The following SLC41A1 variants were observed in gnomAD, a reference collection of about 807,000 sequenced individuals.
The protein encoded by SLC41A1 is solute carrier family 41 (magnesium transporter), member 1.
A neutral mutation model predicts 47.3 loss-of-function variants in SLC41A1; 20 were observed. The observed-to-expected ratio is 0.42, with a 90% CI of 0.30 to 0.61. The LOEUF (loss-of-function observed/expected upper bound fraction) is 0.61. SLC41A1 is among the 20% of genes least tolerant of loss of function. The pLI is 0.17. For missense variants in SLC41A1, 504 were observed against 674.1 expected (o/e 0.75, Z 2.79); for synonymous variants, 282 against 272.7 (o/e 1.03, Z -0.34).
intron 2 of SLC41A1, among the ~76,000 whole-genome samples, chr1:205,802,528 C>T (rs1655905695): frequency 6.6e-6 from 1 of 151,768 alleles, no homozygotes; most frequent in Non-Finnish European, 1.5e-5. Context: ...ACCAGCCTGA[C>T]CAACATGGAG....
Position 205,795,390 on chromosome 1 carries a change from T to C in SLC41A1, c.1161A>G (p.Gln387=), listed in dbSNP as rs145225878. ...MNGMPGENSE[Q]APRRCPSPCT... The stretch of plus-strand genomic sequence containing the variant: ...AAGGACTGGGACAGCGGCGAGGAGC[T>C]TGCTCAGAGTTCTCTCCGGGCATTC... The change falls in exon 9 of 11, where the codon CAA becomes CAG. Residue 387 remains glutamine, a synonymous_variant. Coordinates refer to ENST00000367137, the MANE Select transcript of SLC41A1 (RefSeq NM_173854.6). 182 of 1,614,172 alleles carry C rather than the reference T, an allele frequency of 1.1e-4. No homozygotes were observed. The East Asian group carries it at 3.0e-3, about 27-fold the overall frequency.
intron 2 of SLC41A1, among the ~76,000 whole-genome samples, chr1:205,802,752 A>C (rs1451932919): frequency 6.6e-6 from 1 of 151,454 alleles, no homozygotes; most frequent in Non-Finnish European, 1.5e-5. Context: ...AATAAAATAA[A>C]ATAAAATAAA....
rs1380101829 is a variant in SLC41A1, at chr1:205,791,318, T to TG, written c.*214dup. ...TTGGTGATTGTCTCAAAAACCTACT[T>TG]GTACTGCTTATCTCAGGCCATCTGT... On this transcript the variant is annotated 3_prime_UTR_variant, in exon 11 of 11. Transcript: ENST00000367137. This position sits in a 1 kb window ranked among gnomAD's most constrained non-coding sequence, Gnocchi z 4.0. The TG allele has an allele frequency of 1.7e-6, 1 of 591,828 alleles. No individual in the cohort carries two copies. Among genetic ancestry groups the TG allele is most frequent in the East Asian group, 3.2e-5 (1 of 31,552 alleles). The allele number at this position is 591,828 out of a possible 1,614,324, so 36.7% of individuals were successfully genotyped here. A position where few individuals can be genotyped will look rare whatever the true frequency, so the allele number is the denominator to read the frequency against.
At chr1:205,801,162 T>C (rs1655868911) in intron 2 of SLC41A1, 102 bp from the exon 3 acceptor site, 1 of 932,762 alleles carries the variant, frequency 1.1e-6, no homozygotes, top group African/African-American at 1.6e-5. Flanking sequence ...GGAAATAGAA[T>C]CAGCAGGGAG....
intron 5 of SLC41A1, 43 bp from the exon 6 acceptor site, chr1:205,798,858 A>T: frequency 1.2e-6 from 2 of 1,614,162 alleles, no homozygotes; most frequent in Non-Finnish European, 1.7e-6. Flanking sequence ...GTGAGAAGAG[A>T]TAAAGGAGTC....
intron 4 of SLC41A1, 83 bp downstream of exon 4, chr1:205,799,676 C>G: frequency 1.4e-6 from 2 of 1,444,720 alleles, no homozygotes; most frequent in East Asian, 2.4e-5. Flanking sequence ...CACTCAGGAG[C>G]CTGCTGGGGC....
rs1443612872 is a variant in SLC41A1 at position 205,791,410 on chromosome 1, AT to A, written c.*122del. ...AAAATTCCCATTGAAAATAATGAGAATTTGGTATCAAAGTGAAGTCCTAGAA... is the reference window on the plus strand; with the variant it reads ...AAAATTCCCATTGAAAATAATGAGAATTGGTATCAAAGTGAAGTCCTAGAA... On this transcript the variant is annotated 3_prime_UTR_variant, in exon 11 of 11. Coordinates refer to ENST00000367137, the MANE Select transcript of SLC41A1 (RefSeq NM_173854.6). The surrounding 1 kb of genome is among the most constrained non-coding windows in gnomAD (Gnocchi z 4.0). The A allele has an allele frequency of 2.5e-6, 3 of 1,196,854 alleles. No homozygotes were observed. The highest frequency in any genetic ancestry group is 2.0e-5 in the Admixed American group (1 of 49,652). 74.1% of individuals were successfully genotyped at this position (1,196,854 alleles called of 1,614,324 possible).
At chr1:205,806,581 G>A (rs1361823578) in intron 2 of SLC41A1, among the ~76,000 whole-genome samples, 1 of 152,234 alleles carries the variant, frequency 6.6e-6, no homozygotes, top group African/African-American at 2.4e-5. Context: ...ATGGGCACAA[G>A]GCTCCTGCAG....
intron 10 of SLC41A1, among the ~76,000 whole-genome samples, chr1:205,793,322 A>T (rs749733402): frequency 9.2e-5 from 14 of 152,200 alleles, no homozygotes; most frequent in Non-Finnish European, 1.9e-4. Context: ...AGAGGCAAGA[A>T]TGTCTCCAGG....
Position 205,794,965 on chromosome 1 carries a change from G to A in SLC41A1, c.1261C>T (p.Leu421=). The change falls in exon 10 of 11, where the codon CTG becomes TTG. Residue 421 remains leucine, a synonymous_variant. Coordinates refer to ENST00000367137, the MANE Select transcript of SLC41A1 (RefSeq NM_173854.6). ...VLFLLVVPGH[L]VFLYTISCMQ... ...CAGCTGATGGTGTAGAGGAACACCA[G>A]GTGTCCTGGGACCACGAGGAGGAAG... The A allele has an allele frequency of 6.2e-7, 1 of 1,614,068 alleles. No individual in the cohort carries two copies. The highest frequency in any genetic ancestry group is 8.5e-7 in the Non-Finnish European group (1 of 1,180,008).
chr1:205,811,568 AAGAC>A (rs566559867), intron 1 of SLC41A1, among the ~76,000 whole-genome samples: 1 of 152,208 alleles, frequency 6.6e-6, no homozygotes, highest in Non-Finnish European at 1.5e-5. Flanking sequence ...CAGCAACAGA[AAGAC>A]AGCCACACAG....
intron 2 of SLC41A1, among the ~76,000 whole-genome samples, chr1:205,806,427 G>C (rs1656015905): frequency 6.6e-6 from 1 of 152,240 alleles, no homozygotes; most frequent in African/African-American, 2.4e-5. Context: ...CAGGTGAGTA[G>C]TGAGTTAAAA....
Position 205,799,924 on chromosome 1 carries a change from T to C in SLC41A1, c.481-94A>G, listed in dbSNP as rs1465326963. ...CCTGCCTAGATCATGAGGCAGTACA[T>C]GTGGCCTAAGACTCTGAGAGCAGGA... On this transcript the variant is annotated intron_variant, in intron 3 of 10. Coordinates refer to ENST00000367137, the MANE Select transcript of SLC41A1 (RefSeq NM_173854.6). 11 of 1,081,838 alleles carry C rather than the reference T, an allele frequency of 1.0e-5. No homozygotes were observed. In the South Asian group the frequency reaches 1.0e-4, roughly 10 times the overall value. 67.0% of individuals were successfully genotyped at this position (1,081,838 alleles called of 1,614,324 possible). A position where few individuals can be genotyped will look rare whatever the true frequency, so the allele number is the denominator to read the frequency against.
Position 205,812,922 on chromosome 1 carries a change from G to T in SLC41A1, c.-761C>A, listed in dbSNP as rs898466983. On this transcript the variant is annotated 5_prime_UTR_variant, in exon 1 of 11. Coordinates refer to ENST00000367137, the MANE Select transcript of SLC41A1 (RefSeq NM_173854.6). ...CACTCCTCCTCGACAGTCCTCCTTGGCCCCCGGCGTGCCCCCCCACACCCC... is the reference window on the plus strand; with the variant it reads ...CACTCCTCCTCGACAGTCCTCCTTGTCCCCCGGCGTGCCCCCCCACACCCC... The T allele has an allele frequency of 1.2e-5, 12 of 985,602 alleles. No homozygotes were observed. In the African/African-American group the frequency reaches 2.1e-4, roughly 17 times the overall value. 61.1% of individuals were successfully genotyped at this position (985,602 alleles called of 1,614,324 possible).
rs377657869 is a variant in SLC41A1 at position 205,803,099 on chromosome 1, T to C, written c.373-2039A>G. 9.3e-5 allele frequency among the ~76,000 whole-genome samples: 14 copies of C among 151,254 alleles called. No homozygotes were observed. The East Asian group carries it at 2.4e-3, about 25-fold the overall frequency. ...CAGAAGAATTGCTTGAACTTGGGAG[T>C]TGGAGGTTGCAGTGAGCCGAGACAG... On this transcript the variant is annotated intron_variant, in intron 2 of 10. Coordinates refer to ENST00000367137, the MANE Select transcript of SLC41A1 (RefSeq NM_173854.6).
intron 10 of SLC41A1, among the ~76,000 whole-genome samples, chr1:205,793,132 G>A (rs370181485): frequency 6.6e-6 from 1 of 152,288 alleles, no homozygotes; most frequent in South Asian, 2.1e-4. Flanking sequence ...TAAAGAGCAT[G>A]GCCAGGAGGC....
rs193079970 is a variant in SLC41A1 at position 205,808,828 on chromosome 1, C to A, written c.372+1242G>T. 8.6e-4 allele frequency among the ~76,000 whole-genome samples: 131 copies of A among 152,322 alleles called. No homozygotes were observed. In the Middle Eastern group the frequency reaches 0.017, roughly 20 times the overall value. ...ATGAGCAACCAAAGGTGCAGGGTTC[C>A]CCTGAAGGGCTCAAGTCAAAGTTCT... On this transcript the variant is annotated intron_variant, in intron 2 of 10. Transcript: ENST00000367137.
At chr1:205,802,359 T>C (rs1294452579) in intron 2 of SLC41A1, among the ~76,000 whole-genome samples, 2 of 152,158 alleles carry the variant, frequency 1.3e-5, no homozygotes, top group Non-Finnish European at 2.9e-5. Context: ...TTGAAAAATG[T>C]TCAATTCAGG....
At chr1:205,798,110 C>G in intron 6 of SLC41A1, 59 bp from the exon 7 acceptor site, 2 of 1,609,896 alleles carry the variant, frequency 1.2e-6, no homozygotes, top group Non-Finnish European at 1.7e-6. Flanking sequence ...TAAGTTTCTC[C>G]CTGGCTCAGC....
Sources: allele counts gnomAD v4.1 joint callset (sites outside exome capture counted in the v4.1 genomes callset), GRCh38; gene constraint gnomAD v4.1.1; non-coding constraint Gnocchi (gnomAD v3.1); transcripts MANE v1.5; gene names NCBI Gene and HGNC (gene_info 2026-07-23, HGNC 2026-07-21).